The following CYLC1 variants were observed in gnomAD, a reference collection of about 807,000 sequenced individuals.
The protein encoded by CYLC1 is cylicin 1, also known as cylicin-1.
Under a neutral mutation model 31.6 loss-of-function variants are expected in CYLC1, and 2 were observed. The observed-to-expected ratio is 0.06, with a 90% CI of 0.03 to 0.20. CYLC1 has a LOEUF of 0.20. CYLC1 is among the 10% of genes least tolerant of loss of function. The pLI is 1.00. For synonymous variants in CYLC1, 185 were observed against 153.0 expected, an observed-to-expected ratio of 1.21 and a Z score of -1.54; for missense variants, 595 against 424.1, an observed-to-expected ratio of 1.40 and a Z score of -3.54.
Position 83,874,266 on chromosome X carries a change from A to C in CYLC1, c.1558A>C (p.Thr520Pro), listed in dbSNP as rs1569334493. Residue 520 changes from threonine to proline, a missense_variant, in exon 4 of 5, where the codon ACT (threonine) becomes CCT (proline). Transcript: ENST00000329312. Reference sequence around the variant, plus strand: ...GGATGCAAGAAAGGACACAGAGTCTACTGATGCTGAATTTGATGAATCTTC... The same window carrying C: ...GGATGCAAGAAAGGACACAGAGTCTCCTGATGCTGAATTTGATGAATCTTC... ...KKDARKDTES[T>P]DAEFDESSKT... is the part of the protein sequence containing the mutation. The C allele has an allele frequency of 8.3e-7, 1 of 1,209,616 alleles. No individual in the cohort carries two copies. The highest frequency in any genetic ancestry group is 2.2e-5 in the Admixed American group (1 of 45,747).
chrX:83,867,091 G>A (rs2031602710), intron 1 of CYLC1, among the ~76,000 whole-genome samples: 1 of 111,067 alleles, frequency 9.0e-6, no homozygotes, highest in African/African-American at 3.3e-5. Context: ...CTTTCACCCA[G>A]TCTTCAATAA....
chrX:83,862,977 C>G (rs2031537163), intron 1 of CYLC1, among the ~76,000 whole-genome samples: 1 of 111,394 alleles, frequency 9.0e-6, no homozygotes, highest in Non-Finnish European at 1.9e-5. Flanking sequence ...TTCTTACTTC[C>G]AAAAATAGCC....
At chrX:83,876,939 A>G (rs2031768727) in intron 4 of CYLC1, among the ~76,000 whole-genome samples, 1 of 110,997 alleles carries the variant, frequency 9.0e-6, no homozygotes, top group Non-Finnish European at 1.9e-5. Context: ...TCCAAAATTA[A>G]TATCTCCAGT....
At chrX:83,879,753 A>C (rs904956632) in intron 4 of CYLC1, among the ~76,000 whole-genome samples, 36 of 110,626 alleles carry the variant, frequency 3.3e-4, no homozygotes, top group African/African-American at 1.1e-3. Context: ...ACACACACAC[A>C]CATGCACACA....
At chrX:83,864,275 T>C (rs750699786) in intron 1 of CYLC1, among the ~76,000 whole-genome samples, 2 of 111,361 alleles carry the variant, frequency 1.8e-5, no homozygotes, top group South Asian at 3.8e-4. Context: ...TAACACAGGA[T>C]TGGATTTTGT....
At chrX:83,872,254 G>A (rs2031676147) in intron 3 of CYLC1, among the ~76,000 whole-genome samples, 1 of 111,009 alleles carries the variant, frequency 9.0e-6, no homozygotes, top group Admixed American at 9.6e-5. Context: ...ACAAGATTTG[G>A]CAAATATTTG....
In CYLC1 at chrX:83,873,305, T is replaced by G; in HGVS notation, c.597T>G (p.Asp199Glu). Residue 199 changes from aspartate to glutamate, a missense_variant, in exon 4 of 5, where the codon GAT becomes GAG. Transcript: ENST00000329312. The stretch of plus-strand genomic sequence containing the variant: ...TCTCAAAAAATTGTTCACAAAAAGA[T>G]AAGAAAGATTCAAAGAATTCCAAGA... ...KTVSKNCSQK[D>E]KKDSKNSKKT... 2 of 1,202,836 alleles carry G rather than the reference T, an allele frequency of 1.7e-6. No homozygotes were observed. The highest frequency in any genetic ancestry group is 2.2e-6 in the Non-Finnish European group (2 of 891,612).
chrX:83,881,508 A>C (rs903896472), intron 4 of CYLC1, among the ~76,000 whole-genome samples: 1 of 109,153 alleles, frequency 9.2e-6, no homozygotes, highest in East Asian at 2.9e-4. Flanking sequence ...ATAGAATATG[A>C]GGCTAACTAG....
At position 83,886,692 on chromosome X, in the gene CYLC1, C is replaced by T. The variant is rs1330116992; in HGVS notation, c.*108C>T. ...TGGAACTGAAATAAAAACAAGTCTTCCATGAGTATCAAGAGTTGCTTTTTT... is the reference window on the plus strand; with the variant it reads ...TGGAACTGAAATAAAAACAAGTCTTTCATGAGTATCAAGAGTTGCTTTTTT... On this transcript the variant is annotated 3_prime_UTR_variant, in exon 5 of 5. Transcript: ENST00000329312. 3 of 642,213 alleles carry T rather than the reference C, an allele frequency of 4.7e-6. No homozygotes were observed. The highest frequency in any genetic ancestry group is 7.3e-6 in the Non-Finnish European group (3 of 409,211). The allele number at this position is 642,213 out of a possible 1,213,427, so 52.9% of individuals were successfully genotyped here.
At chrX:83,882,914 G>A (rs2031932378) in intron 4 of CYLC1, among the ~76,000 whole-genome samples, 1 of 109,860 alleles carries the variant, frequency 9.1e-6, no homozygotes, top group Non-Finnish European at 1.9e-5. Flanking sequence ...CACCATTGGG[G>A]CCTTTTCTGT....
intron 4 of CYLC1, among the ~76,000 whole-genome samples, chrX:83,876,810 G>A (rs933138393): frequency 9.1e-6 from 1 of 110,180 alleles, no homozygotes; most frequent in African/African-American, 3.3e-5. Context: ...ATCCTTCTCT[G>A]CCTCATTATT....
intron 4 of CYLC1, among the ~76,000 whole-genome samples, chrX:83,880,478 G>T (rs758293951): frequency 2.5e-4 from 28 of 111,478 alleles, no homozygotes; most frequent in Non-Finnish European, 4.9e-4. Flanking sequence ...GAAGTCCCAT[G>T]CAAGTTGTAT....
intron 1 of CYLC1, among the ~76,000 whole-genome samples, chrX:83,863,295 G>A (rs1251996305): frequency 9.0e-6 from 1 of 111,002 alleles, no homozygotes; most frequent in African/African-American, 3.3e-5. Context: ...GATATGTCAG[G>A]TACCTCTAAT....
intron 4 of CYLC1, among the ~76,000 whole-genome samples, chrX:83,886,123 A>G (rs1254433947): frequency 8.9e-6 from 1 of 111,772 alleles, no homozygotes; most frequent in Admixed American, 9.5e-5. Context: ...TGGGGTGAAT[A>G]CAAGATATTT....
intron 1 of CYLC1, among the ~76,000 whole-genome samples, chrX:83,868,401 C>T (rs893735151): frequency 6.3e-5 from 7 of 110,632 alleles, no homozygotes; most frequent in Admixed American, 2.9e-4. Context: ...AACTAGATAA[C>T]GGGAGCTCAA....
chrX:83,869,733 C>T (rs1397781357), intron 1 of CYLC1, 132 bp from the exon 2 acceptor site: 1 of 277,900 alleles, frequency 3.6e-6, no homozygotes, highest in Non-Finnish European at 5.7e-6. Flanking sequence ...TAAGACAGTT[C>T]CAAATCACTG....
At chrX:83,881,394 T>G (rs894872668) in intron 4 of CYLC1, among the ~76,000 whole-genome samples, 7 of 110,474 alleles carry the variant, frequency 6.3e-5, no homozygotes, top group African/African-American at 2.3e-4. Context: ...AGCTGTAATT[T>G]CAAATTGTAT....
chrX:83,874,236 A>AGTAGACTCTTCATC lies in CYLC1; in HGVS notation c.1528_1529insGTAGACTCTTCATC (p.Lys510SerfsTer163). 1 of 1,208,396 alleles carries AGTAGACTCTTCATC rather than the reference A, an allele frequency of 8.3e-7. No homozygotes were observed. Among genetic ancestry groups the AGTAGACTCTTCATC allele is most frequent in the African/African-American group, 1.7e-5 (1 of 57,636 alleles). ...AAAGAAAGGTTCAAAGAAAGATATC[A>AGTAGACTCTTCATC]AGAAGGATGCAAGAAAGGACACAGA... On this transcript the variant is annotated frameshift_variant, in exon 4 of 5. Coordinates refer to ENST00000329312, the MANE Select transcript of CYLC1 (RefSeq NM_021118.3). LOFTEE classifies it high-confidence loss of function.
chrX:83,865,202 T>C (rs1206350569), intron 1 of CYLC1, among the ~76,000 whole-genome samples: 1 of 111,117 alleles, frequency 9.0e-6, no homozygotes, highest in African/African-American at 3.3e-5. Flanking sequence ...CCATAAGTAT[T>C]CTGCATCTCA....
Sources: gnomAD v4.1 joint callset for allele counts (sites outside exome capture counted in the v4.1 genomes callset) on GRCh38, gnomAD v4.1.1 for gene constraint, MANE v1.5 for transcripts, NCBI Gene and HGNC (gene_info 2026-07-23, HGNC 2026-07-21) for gene names.